The following GRID2 variants were observed in gnomAD, a reference collection of about 807,000 sequenced individuals.
The protein encoded by GRID2 is glutamate receptor ionotropic, delta-2.
A neutral mutation model predicts 114.8 loss-of-function variants in GRID2; 33 were observed. The ratio of observed to expected loss-of-function variants is 0.29; its 90% CI spans 0.22 to 0.38. GRID2 has a LOEUF of 0.38. Ranked by LOEUF, GRID2 falls within the 10% of genes least tolerant of loss-of-function variation. The pLI, the probability that GRID2 is intolerant of heterozygous loss-of-function variation, is 1.00. For synonymous variants in GRID2, 505 were observed against 449.9 expected (o/e 1.12, Z -1.55); for missense variants, 1,184 against 1,257.7 (o/e 0.94, Z 0.89).
intron 14 of GRID2, among the ~76,000 whole-genome samples, chr4:93,741,496 T>C (rs1335845813): frequency 6.6e-6 from 1 of 152,130 alleles, no homozygotes; most frequent in Admixed American, 6.5e-5. Context: ...AAATAAATGA[T>C]GGCACATTTA....
rs565313439 is a variant in GRID2, at chr4:93,615,048, C to G, written c.2194-11221C>G. 7.9e-5 allele frequency among the ~76,000 whole-genome samples: 12 copies of G among 152,226 alleles called. 1 individual carries two copies. In the South Asian group the frequency reaches 2.3e-3, roughly 29 times the overall value. On this transcript the variant is annotated intron_variant, in intron 13 of 15. Coordinates refer to ENST00000282020, the MANE Select transcript of GRID2 (RefSeq NM_001510.4). The stretch of plus-strand genomic sequence containing the variant: ...GGTGTGCAATGCTGCTCTTATCAAG[C>G]CTGCATTACGTTGATTCTGGTGTCA...
At chr4:93,704,140 C>T (rs559609502) in intron 14 of GRID2, among the ~76,000 whole-genome samples, 7 of 152,294 alleles carry the variant, frequency 4.6e-5, no homozygotes, top group African/African-American at 1.2e-4. Flanking sequence ...TATTTCTCCA[C>T]ATCCTCTCCA....
intron 8 of GRID2, among the ~76,000 whole-genome samples, chr4:93,340,742 A>C (rs1759564438): frequency 6.6e-6 from 1 of 152,152 alleles, no homozygotes; most frequent in Admixed American, 6.6e-5. Context: ...AAGATGAAAG[A>C]GTTTGTCTTA....
chr4:93,663,386 G>A (rs1249798009), intron 14 of GRID2, among the ~76,000 whole-genome samples: 1 of 152,152 alleles, frequency 6.6e-6, no homozygotes, highest in Non-Finnish European at 1.5e-5. Context: ...CATTTTGGCT[G>A]CCCAGGCTCA....
intron 2 of GRID2, among the ~76,000 whole-genome samples, chr4:92,890,320 T>A (rs1280037535): frequency 6.6e-6 from 1 of 151,986 alleles, no homozygotes; most frequent in Non-Finnish European, 1.5e-5. Context: ...ATCATCAGAG[T>A]GAACAGGCAA....
chr4:92,704,711 C>CTCTCTCTCTCTT lies in GRID2; in HGVS notation c.244+114437_244+114448dup, dbSNP rs1178827907. On this transcript the variant is annotated intron_variant, in intron 2 of 15. Transcript: ENST00000282020. ...CCAATCAATCAATCAATCTCTCTCT[C>CTCTCTCTCTCTT]TCTCTCTCTCTTTCTCTCTCTCTCT... Among the ~76,000 whole-genome samples, 92 of 147,576 alleles carry CTCTCTCTCTCTT rather than the reference C, an allele frequency of 6.2e-4. 1 individual carries two copies. Among genetic ancestry groups the CTCTCTCTCTCTT allele is most frequent in the African/African-American group, 2.1e-3 (85 of 40,160 alleles).
intron 2 of GRID2, among the ~76,000 whole-genome samples, chr4:92,872,901 G>C (rs1745374966): frequency 6.6e-6 from 1 of 152,244 alleles, no homozygotes; most frequent in Admixed American, 6.5e-5. Context: ...TTTTTGGTAA[G>C]TACATGCTCT....
chr4:92,625,812 C>A (rs186881525), intron 2 of GRID2, among the ~76,000 whole-genome samples: 21 of 151,928 alleles, frequency 1.4e-4, no homozygotes, highest in African/African-American at 4.6e-4. Flanking sequence ...CAATATAAAT[C>A]TGTTGGAGGA....
At chr4:92,570,663 C>G (rs569125681) in intron 1 of GRID2, among the ~76,000 whole-genome samples, 1 of 151,176 alleles carries the variant, frequency 6.6e-6, no homozygotes, top group Non-Finnish European at 1.5e-5. Flanking sequence ...TTGAAGAGAG[C>G]CTTCACTTCC....
intron 11 of GRID2, among the ~76,000 whole-genome samples, chr4:93,484,031 G>T (rs1424982837): frequency 7.3e-5 from 11 of 150,148 alleles, no homozygotes; most frequent in Non-Finnish European, 1.3e-4. Context: ...TTTTCTAATT[G>T]TGGATAAAAA....
intron 8 of GRID2, among the ~76,000 whole-genome samples, chr4:93,271,697 T>A (rs963750123): frequency 6.6e-6 from 1 of 152,144 alleles, no homozygotes; most frequent in Non-Finnish European, 1.5e-5. Flanking sequence ...CCTGTCTAAA[T>A]TTTTTGAAAA....
intron 2 of GRID2, among the ~76,000 whole-genome samples, chr4:93,005,540 C>T (rs1721425445): frequency 6.6e-6 from 1 of 152,002 alleles, no homozygotes; most frequent in Non-Finnish European, 1.5e-5. Flanking sequence ...TTATCACTTT[C>T]AAATAGAAAC....
intron 2 of GRID2, among the ~76,000 whole-genome samples, chr4:92,867,356 G>A (rs1744943501): frequency 6.6e-6 from 1 of 152,096 alleles, no homozygotes; most frequent in African/African-American, 2.4e-5. Flanking sequence ...AATCAAGGAA[G>A]AAAGCTAGAG....
intron 1 of GRID2, among the ~76,000 whole-genome samples, chr4:92,546,819 T>C (rs925643301): frequency 6.6e-6 from 1 of 152,180 alleles, no homozygotes; most frequent in African/African-American, 2.4e-5. Context: ...ATTAATATGT[T>C]CAGTGGAGAT....
chr4:93,719,030 G>T (rs1240524445), intron 14 of GRID2, among the ~76,000 whole-genome samples: 1 of 151,640 alleles, frequency 6.6e-6, no homozygotes, highest in African/African-American at 2.4e-5. Context: ...GCTTTTGGAT[G>T]ATAATATTTA....
intron 2 of GRID2, among the ~76,000 whole-genome samples, chr4:92,740,672 CATAGATAGATAGATAGATGATAGATAG>C (rs1287194822): frequency 3.5e-5 from 3 of 85,860 alleles, no homozygotes; most frequent in South Asian, 5.0e-4. Context: ...GTTTATTCTG[CATAGATAGATAGATAGATGATAGATAG>C]ATAGATAGAT....
At chr4:93,030,384 C>CTTT (rs1297982756) in intron 2 of GRID2, among the ~76,000 whole-genome samples, 2 of 140,896 alleles carry the variant, frequency 1.4e-5, no homozygotes, top group Non-Finnish European at 1.6e-5. Flanking sequence ...AGAGCTGCAT[C>CTTT]TTTTTTTTTT....
intron 2 of GRID2, among the ~76,000 whole-genome samples, chr4:92,949,594 G>C (rs982212416): frequency 5.3e-5 from 8 of 151,442 alleles, no homozygotes; most frequent in Non-Finnish European, 1.0e-4. Flanking sequence ...AATAGAAAAA[G>C]TAATTGCTTT....
intron 2 of GRID2, among the ~76,000 whole-genome samples, chr4:93,029,654 A>C (rs1450324475): frequency 6.6e-6 from 1 of 152,190 alleles, no homozygotes; most frequent in East Asian, 1.9e-4. Flanking sequence ...AGGGTTAATA[A>C]AAACTGCTAT....
Sources: allele counts gnomAD v4.1 joint callset (sites outside exome capture counted in the v4.1 genomes callset), GRCh38; gene constraint gnomAD v4.1.1; transcripts MANE v1.5; gene names NCBI Gene and HGNC (gene_info 2026-07-23, HGNC 2026-07-21).